Variants in CFAP299 observed in about 807,000 individuals in gnomAD.
The protein encoded by CFAP299 is cilia- and flagella-associated protein 299.
CFAP299 carries 21 observed loss-of-function variants against 27.0 expected under a neutral mutation model. The observed-to-expected ratio is 0.78, with a 90% CI of 0.55 to 1.12. The LOEUF (loss-of-function observed/expected upper bound fraction) is 1.12. Among genes scored for constraint, CFAP299 ranks in the 50% most tolerant of loss-of-function variants. The pLI, the probability that CFAP299 is intolerant of heterozygous loss-of-function variation, is 0.00. For synonymous variants in CFAP299, 104 were observed against 98.1 expected (o/e 1.06, Z -0.36); for missense variants, 310 against 276.6 (o/e 1.12, Z -0.86).
chr4:80,603,728 A>C (rs1263311791), intron 3 of CFAP299, among the ~76,000 whole-genome samples: 1 of 152,234 alleles, frequency 6.6e-6, no homozygotes, highest in Non-Finnish European at 1.5e-5. Flanking sequence ...GAAGTAATGC[A>C]TTATTCATCT....
At chr4:80,827,806 A>C (rs1025245754) in intron 3 of CFAP299, among the ~76,000 whole-genome samples, 1 of 152,056 alleles carries the variant, frequency 6.6e-6, no homozygotes, top group Non-Finnish European at 1.5e-5. Context: ...AAAACCCTAC[A>C]GGTTCCACTA....
chr4:80,437,308 C>CT (rs1197191141), intron 2 of CFAP299, among the ~76,000 whole-genome samples: 2 of 152,146 alleles, frequency 1.3e-5, no homozygotes, highest in Non-Finnish European at 2.9e-5. Context: ...TGGAAAAAGT[C>CT]TGAGATTTTA....
At chr4:80,958,919 G>A (rs1738198371) in intron 5 of CFAP299, among the ~76,000 whole-genome samples, 1 of 152,184 alleles carries the variant, frequency 6.6e-6, no homozygotes, top group African/African-American at 2.4e-5. Context: ...TAACCTGGAA[G>A]AGAGACTTCA....
chr4:80,436,297 CTTT>C (rs781551098), intron 2 of CFAP299, among the ~76,000 whole-genome samples: 1 of 136,396 alleles, frequency 7.3e-6, no homozygotes, highest in Non-Finnish European at 1.6e-5. Flanking sequence ...TGTGGGATAT[CTTT>C]TTTTTTTTTT....
chr4:80,492,259 G>A (rs532167622), intron 2 of CFAP299, among the ~76,000 whole-genome samples: 1 of 152,164 alleles, frequency 6.6e-6, no homozygotes, highest in Non-Finnish European at 1.5e-5. Flanking sequence ...CCTTGGGCAC[G>A]TGTTCTCAGG....
At chr4:80,761,833 A>G (rs1725555142) in intron 3 of CFAP299, among the ~76,000 whole-genome samples, 1 of 152,110 alleles carries the variant, frequency 6.6e-6, no homozygotes, top group South Asian at 2.1e-4. Context: ...TGTTTTAAGT[A>G]ATAACTTGTT....
chr4:80,537,803 G>C (rs1483285143), intron 2 of CFAP299, among the ~76,000 whole-genome samples: 2 of 151,684 alleles, frequency 1.3e-5, no homozygotes, highest in Non-Finnish European at 2.9e-5. Context: ...CATGGACGTT[G>C]CTAAGAGATT....
At chr4:80,695,346 C>T (rs549260462) in intron 3 of CFAP299, among the ~76,000 whole-genome samples, 2 of 152,156 alleles carry the variant, frequency 1.3e-5, no homozygotes, top group South Asian at 4.1e-4. Flanking sequence ...TGTTTTTGAC[C>T]ACCTAGCTTC....
At chr4:80,783,179 G>C (rs1442574328) in intron 3 of CFAP299, among the ~76,000 whole-genome samples, 2 of 152,120 alleles carry the variant, frequency 1.3e-5, no homozygotes, top group Non-Finnish European at 2.9e-5. Flanking sequence ...TGAGACTCTA[G>C]TATCCACTTC....
intron 3 of CFAP299, among the ~76,000 whole-genome samples, chr4:80,617,889 C>T (rs1039848931): frequency 2.6e-5 from 4 of 152,000 alleles, no homozygotes; most frequent in Non-Finnish European, 5.9e-5. Context: ...CCTGGCCCAC[C>T]TGAGTAATTA....
intron 4 of CFAP299, among the ~76,000 whole-genome samples, chr4:80,936,532 A>G (rs1736898731): frequency 6.6e-6 from 1 of 152,196 alleles, no homozygotes; most frequent in South Asian, 2.1e-4. Context: ...ACACTAATGC[A>G]GGAACAGAAA....
At position 80,533,620 on chromosome 4, in the gene CFAP299, C is replaced by A. The variant is rs1008629774; in HGVS notation, c.243-49473C>A. ...ATTGTATGCACTAAATATCTAAGAT[C>A]CAGTTATTTCTCAAAGACATTTAAT... On this transcript the variant is annotated intron_variant, in intron 2 of 5. Coordinates refer to ENST00000358105, the MANE Select transcript of CFAP299 (RefSeq NM_152770.3). Among the ~76,000 whole-genome samples the A allele has an allele frequency of 1.1e-4, 17 of 152,176 alleles. 1 individual carries two copies. The highest frequency in any genetic ancestry group is 3.9e-4 in the African/African-American group (16 of 41,522).
chr4:80,591,132 ATTT>A (rs1175732560), intron 3 of CFAP299, among the ~76,000 whole-genome samples: 6 of 68,084 alleles, frequency 8.8e-5, no homozygotes, highest in African/African-American at 2.3e-4. Context: ...TTTTTTTTTT[ATTT>A]TTTTTTGAGA....
At chr4:80,584,994 G>A (rs1218297855) in intron 3 of CFAP299, among the ~76,000 whole-genome samples, 1 of 152,080 alleles carries the variant, frequency 6.6e-6, no homozygotes, top group Non-Finnish European at 1.5e-5. Flanking sequence ...CTCTGATTGT[G>A]TGAAAGTGGG....
At chr4:80,830,623 A>C (rs1458635001) in intron 3 of CFAP299, among the ~76,000 whole-genome samples, 1 of 152,026 alleles carries the variant, frequency 6.6e-6, no homozygotes, top group Non-Finnish European at 1.5e-5. Context: ...CAAGGGCAGG[A>C]GTTGGACATT....
rs184525519 is a variant in CFAP299, at chr4:80,409,226, G to A, written c.242+46342G>A. Among the ~76,000 whole-genome samples, 314 of 152,042 alleles carry A rather than the reference G, an allele frequency of 2.1e-3. 1 individual carries two copies. Among genetic ancestry groups the A allele is most frequent in the African/African-American group, 6.9e-3 (285 of 41,474 alleles). On this transcript the variant is annotated intron_variant, in intron 2 of 5. Transcript: ENST00000358105. ...GTTCCAAATATTATTATTTATAATA[G>A]GTCAAATTGAAATATTTGAGTTATT...
At chr4:80,711,219 G>A (rs913295631) in intron 3 of CFAP299, among the ~76,000 whole-genome samples, 1 of 152,172 alleles carries the variant, frequency 6.6e-6, no homozygotes, top group Non-Finnish European at 1.5e-5. Flanking sequence ...CCTGAAAGCA[G>A]GGGAGAGCCG....
intron 2 of CFAP299, among the ~76,000 whole-genome samples, chr4:80,531,855 G>A (rs1733488222): frequency 1.3e-5 from 2 of 148,598 alleles, no homozygotes; most frequent in Admixed American, 6.9e-5. Context: ...CTGGATTCAA[G>A]CAATTCTCCT....
At chr4:80,558,666 A>G (rs1027416455) in intron 2 of CFAP299, among the ~76,000 whole-genome samples, 1 of 151,102 alleles carries the variant, frequency 6.6e-6, no homozygotes, top group Admixed American at 6.6e-5. Context: ...GACTTAGACT[A>G]TTTCAGAGCA....
Sources: allele counts gnomAD v4.1 joint callset (sites outside exome capture counted in the v4.1 genomes callset), GRCh38; gene constraint gnomAD v4.1.1; transcripts MANE v1.5; gene names NCBI Gene and HGNC (gene_info 2026-07-23, HGNC 2026-07-21).